The following PRKG1 variants were observed in gnomAD, a reference collection of about 807,000 sequenced individuals.
PRKG1 encodes the protein cGMP-dependent protein kinase 1.
In PRKG1, 35 loss-of-function variants were observed where a neutral mutation model predicts 88.1. The ratio of observed to expected loss-of-function variants is 0.40; its 90% confidence interval spans 0.30 to 0.53. The LOEUF (loss-of-function observed/expected upper bound fraction) is 0.53. Among genes scored for constraint, PRKG1 ranks in the 20% least tolerant of loss-of-function variants. The probability of loss-of-function intolerance (pLI) is 0.59; values close to 1 mark genes in which losing one functional copy is unlikely to be tolerated. For missense variants in PRKG1, 540 were observed against 839.8 expected (o/e 0.64, Z 4.41); for synonymous variants, 303 against 292.5 (o/e 1.04, Z -0.37).
At chr10:51,242,463 A>T (rs1839179942) in intron 2 of PRKG1, among the ~76,000 whole-genome samples, 1 of 152,140 alleles carries the variant, frequency 6.6e-6, no homozygotes. Context: ...ATTTTAAACC[A>T]CTACATTGGT....
At chr10:51,800,193 G>A (rs1338261946) in intron 3 of PRKG1, among the ~76,000 whole-genome samples, 1 of 151,818 alleles carries the variant, frequency 6.6e-6, no homozygotes, top group Non-Finnish European at 1.5e-5. Flanking sequence ...TAAAAATAAG[G>A]GTGCTCTTTT....
chr10:52,129,156 C>T lies in PRKG1; in HGVS notation c.936-4684C>T, dbSNP rs73342977. ...CTCTTTCCTTGTCCTGCTTCTAAAC[C>T]GCTCTGACGTGAAATGCCCGCTAAC... On this transcript the variant is annotated intron_variant, in intron 7 of 17. Coordinates refer to ENST00000373980, the MANE Select transcript of PRKG1 (RefSeq NM_006258.4). 9.3e-3 allele frequency among the ~76,000 whole-genome samples: 1,418 copies of T among 152,234 alleles called. 28 individuals carry two copies. The highest frequency in any genetic ancestry group is 0.033 in the African/African-American group (1,353 of 41,528).
chr10:51,087,772 T>A (rs1844292326), intron 1 of PRKG1, among the ~76,000 whole-genome samples: 1 of 152,210 alleles, frequency 6.6e-6, no homozygotes, highest in African/African-American at 2.4e-5. Context: ...TTTGCTGTTT[T>A]GTTTTGTTTT....
chr10:52,087,661 A>C (rs962222682), intron 7 of PRKG1, among the ~76,000 whole-genome samples: 1 of 152,212 alleles, frequency 6.6e-6, no homozygotes, highest in Non-Finnish European at 1.5e-5. Flanking sequence ...GTTTTAACAC[A>C]AATAATACAT....
chr10:51,436,280 G>A (rs1238004917), intron 2 of PRKG1, among the ~76,000 whole-genome samples: 1 of 151,716 alleles, frequency 6.6e-6, no homozygotes, highest in Admixed American at 6.6e-5. Flanking sequence ...AAGGGCAAGC[G>A]TAAGGATAAA....
chr10:51,556,005 C>T (rs1050251441), intron 3 of PRKG1, among the ~76,000 whole-genome samples: 2 of 150,742 alleles, frequency 1.3e-5, no homozygotes, highest in African/African-American at 2.4e-5. Context: ...AAAAGAAAGG[C>T]GAGAAAGAGG....
chr10:51,527,050 A>C (rs894854181), intron 3 of PRKG1, among the ~76,000 whole-genome samples: 3 of 152,234 alleles, frequency 2.0e-5, no homozygotes, highest in Non-Finnish European at 4.4e-5. Context: ...CATAGAAAAT[A>C]CATACATGAA....
At chr10:51,682,770 T>C (rs1420898799) in intron 3 of PRKG1, among the ~76,000 whole-genome samples, 5 of 152,184 alleles carry the variant, frequency 3.3e-5, no homozygotes, top group Admixed American at 6.5e-5. Context: ...GAGCCAGAAT[T>C]TGAACACAGG....
intron 3 of PRKG1, chr10:51,699,596 G>T (rs747727599): frequency 4.5e-6 from 7 of 1,552,790 alleles, no homozygotes; most frequent in Non-Finnish European, 6.1e-6. Context: ...CGAGGCGTCT[G>T]TCCTCTTGCG....
intron 9 of PRKG1, among the ~76,000 whole-genome samples, chr10:52,173,409 A>G (rs1838765914): frequency 6.6e-6 from 1 of 152,224 alleles, no homozygotes; most frequent in Non-Finnish European, 1.5e-5. Flanking sequence ...ATTATAGACT[A>G]CCTTCGAAAC....
rs981885689 is a variant in PRKG1, at chr10:52,098,353, C to T, written c.936-35487C>T. Among the ~76,000 whole-genome samples, 25 of 152,188 alleles carry T rather than the reference C, an allele frequency of 1.6e-4. No homozygotes were observed. The East Asian group carries it at 3.7e-3, about 22-fold the overall frequency. ...ATTACTGATGGAGGTTTTATAGGAG[C>T]GTAGTGAATATTTAACTCCCTTTTT... On this transcript the variant is annotated intron_variant, in intron 7 of 17. Coordinates refer to ENST00000373980, the MANE Select transcript of PRKG1 (RefSeq NM_006258.4).
chr10:51,958,160 C>T (rs1045453358), intron 5 of PRKG1, among the ~76,000 whole-genome samples: 11 of 152,046 alleles, frequency 7.2e-5, no homozygotes, highest in African/African-American at 2.2e-4. Flanking sequence ...TATTGTGATA[C>T]AAGAGAAATT....
In PRKG1 at chr10:51,539,492, C is replaced by A. The variant is rs12251288; in HGVS notation, c.592+71656C>A. 2.9e-3 allele frequency among the ~76,000 whole-genome samples: 445 copies of A among 152,282 alleles called. 3 individuals are homozygous for A. The highest frequency in any genetic ancestry group is 0.01 in the African/African-American group (435 of 41,564). On this transcript the variant is annotated intron_variant, in intron 3 of 17. Coordinates refer to ENST00000373980, the MANE Select transcript of PRKG1 (RefSeq NM_006258.4). Reference sequence around the variant, plus strand: ...GGATTTCATCTTTTCTCAGTTAGTGCAAAACACTGATACATCTCTGGGAAG... The same window carrying A: ...GGATTTCATCTTTTCTCAGTTAGTGAAAAACACTGATACATCTCTGGGAAG...
intron 4 of PRKG1, among the ~76,000 whole-genome samples, chr10:51,882,058 G>A (rs936241211): frequency 2.0e-5 from 3 of 152,138 alleles, no homozygotes; most frequent in Non-Finnish European, 4.4e-5. Context: ...AATAGGCAAA[G>A]CTATCATATG....
At position 52,090,049 on chromosome 10, in the gene PRKG1, G is replaced by A. The variant is rs538371370; in HGVS notation, c.935+27418G>A. ...AGGATGGTCTCGATCTCTTGACCTC[G>A]TGATCCACCTGCCTTGCCCTCTCAA... On this transcript the variant is annotated intron_variant, in intron 7 of 17. Transcript: ENST00000373980. Among the ~76,000 whole-genome samples, 39 of 151,954 alleles carry A rather than the reference G, an allele frequency of 2.6e-4. 1 individual carries two copies. Among genetic ancestry groups the A allele is most frequent in the African/African-American group, 1.2e-4 (5 of 41,470 alleles).
intron 3 of PRKG1, among the ~76,000 whole-genome samples, chr10:51,743,737 A>AATATATATATATATAT (rs369411662): frequency 5.2e-4 from 21 of 40,320 alleles, no homozygotes; most frequent in Non-Finnish European, 7.5e-4. Context: ...ATATAAACTA[A>AATATATATATATATAT]ATATATATAT....
At chr10:51,011,948 C>T (rs1015438152) in intron 1 of PRKG1, among the ~76,000 whole-genome samples, 4 of 152,152 alleles carry the variant, frequency 2.6e-5, no homozygotes, top group African/African-American at 9.7e-5. Flanking sequence ...GGCATGTCTT[C>T]CATGGTGGCA....
In PRKG1 at chr10:50,991,701, G is replaced by T; in HGVS notation, c.266+57G>T. 1 of 1,202,746 alleles carries T rather than the reference G, an allele frequency of 8.3e-7. No individual in the cohort carries two copies. Among genetic ancestry groups the T allele is most frequent in the Non-Finnish European group, 1.0e-6 (1 of 963,168 alleles). 74.5% of individuals were successfully genotyped at this position (1,202,746 alleles called of 1,614,324 possible). On this transcript the variant is annotated intron_variant, in intron 1 of 17. Transcript: ENST00000401604. The surrounding 1 kb of genome is among the most constrained non-coding windows in gnomAD (Gnocchi z 4.5). ...GTCCCGGCCCGCGGCGCAGAGGCTG[G>T]GGGCTCTGGCCGCGGCGGCGGGGGC...
intron 2 of PRKG1, among the ~76,000 whole-genome samples, chr10:51,314,035 A>C (rs1228728362): frequency 1.3e-5 from 2 of 152,210 alleles, no homozygotes; most frequent in Admixed American, 1.3e-4. Context: ...AAGTATGATG[A>C]GGTCTAATCT....
Sources: allele counts gnomAD v4.1 joint callset (sites outside exome capture counted in the v4.1 genomes callset), GRCh38; gene constraint gnomAD v4.1.1; non-coding constraint Gnocchi (gnomAD v3.1); transcripts MANE v1.5; gene names NCBI Gene and HGNC (gene_info 2026-07-23, HGNC 2026-07-21).